Variants in DMXL1 observed in about 807,000 individuals in gnomAD.
DMXL1 encodes the protein dmX-like protein 1.
DMXL1 carries 99 observed loss-of-function variants against 319.2 expected under a neutral mutation model. The ratio of observed to expected loss-of-function variants is 0.31; its 90% CI spans 0.26 to 0.37. The LOEUF is 0.37. Ranked by LOEUF, DMXL1 falls within the 10% of genes least tolerant of loss-of-function variation. The pLI is 1.00. For missense variants in DMXL1, 3,745 were observed against 3,595.6 expected (o/e 1.04, Z -1.06); for synonymous variants, 1,385 against 1,235.2 (o/e 1.12, Z -2.54).
At chr5:119,159,694 G>A (rs942564261) in intron 19 of DMXL1, among the ~76,000 whole-genome samples, 1 of 152,226 alleles carries the variant, frequency 6.6e-6, no homozygotes, top group African/African-American at 2.4e-5. Context: ...GCGCCTCGCA[G>A]CTCACTGCGA....
chr5:119,122,757 A>G (rs1031039136), intron 9 of DMXL1, among the ~76,000 whole-genome samples: 10 of 150,562 alleles, frequency 6.6e-5, no homozygotes, highest in Non-Finnish European at 8.9e-5. Flanking sequence ...GTGGCCGGGA[A>G]GAGGCGCTCC....
chr5:119,140,114 C>G (rs1440476149), intron 13 of DMXL1, among the ~76,000 whole-genome samples: 2 of 152,096 alleles, frequency 1.3e-5, no homozygotes, highest in East Asian at 3.8e-4. Context: ...TGGGACACAA[C>G]TAAGGCAGTG....
chr5:119,202,527 C>A (rs1367583561), intron 32 of DMXL1, among the ~76,000 whole-genome samples: 1 of 152,058 alleles, frequency 6.6e-6, no homozygotes, highest in South Asian at 2.1e-4. Context: ...CCACATATAA[C>A]TATTTAACAC....
intron 30 of DMXL1, 129 bp from the exon 31 acceptor site, chr5:119,196,242 T>A: frequency 1.4e-6 from 1 of 697,842 alleles, no homozygotes; most frequent in Non-Finnish European, 2.6e-6. Flanking sequence ...ATGCATATAT[T>A]ATTTTGTTTT....
At chr5:119,111,008 T>G (rs532129265) in intron 5 of DMXL1, among the ~76,000 whole-genome samples, 1 of 152,236 alleles carries the variant, frequency 6.6e-6, no homozygotes, top group South Asian at 2.1e-4. Context: ...AGGCTGGTCT[T>G]GAACTCCTGA....
chr5:119,210,504 A>T (rs574654175), intron 34 of DMXL1, among the ~76,000 whole-genome samples: 1 of 152,280 alleles, frequency 6.6e-6, no homozygotes, highest in South Asian at 2.1e-4. Flanking sequence ...TTGCATCTGT[A>T]TGTCAATTGT....
intron 28 of DMXL1, among the ~76,000 whole-genome samples, chr5:119,178,943 G>A: frequency 6.6e-6 from 1 of 152,098 alleles, no homozygotes; most frequent in East Asian, 1.9e-4. Flanking sequence ...TTTAAAGTGT[G>A]TAAAAATAAA....
chr5:119,229,129 A>G (rs1323588334), intron 38 of DMXL1, among the ~76,000 whole-genome samples: 5 of 151,260 alleles, frequency 3.3e-5, no homozygotes, highest in Admixed American at 1.3e-4. Context: ...TGCCTGGGCA[A>G]TATAGGGAGA....
At chr5:119,175,140 A>T in intron 25 of DMXL1, 121 bp from the exon 26 acceptor site, 1 of 600,746 alleles carries the variant, frequency 1.7e-6, no homozygotes. Flanking sequence ...GAAATAGTTC[A>T]TGAAGGCAAA....
At chr5:119,223,511 A>C (rs1785006234) in intron 37 of DMXL1, among the ~76,000 whole-genome samples, 2 of 152,288 alleles carry the variant, frequency 1.3e-5, no homozygotes, top group South Asian at 4.1e-4. Flanking sequence ...TGTAATACAG[A>C]AATCTACCAT....
intron 9 of DMXL1, among the ~76,000 whole-genome samples, chr5:119,122,351 C>T (rs1192500630): frequency 8.7e-5 from 13 of 149,352 alleles, no homozygotes; most frequent in South Asian, 2.1e-4. Context: ...GGCGGCTGGC[C>T]GGGCAGAGGG....
chr5:119,186,341 G>T (rs771962951), intron 28 of DMXL1, among the ~76,000 whole-genome samples: 2 of 152,010 alleles, frequency 1.3e-5, no homozygotes, highest in Non-Finnish European at 2.9e-5. Context: ...TGTGATCTCA[G>T]CTCACTGCAA....
intron 4 of DMXL1, among the ~76,000 whole-genome samples, chr5:119,108,563 A>G (rs190044320): frequency 1.3e-5 from 2 of 152,088 alleles, no homozygotes; most frequent in Admixed American, 1.3e-4. Flanking sequence ...GTCTGGTACT[A>G]CAAGTGCGTG....
At chr5:119,238,528 C>A (rs975980186) in intron 40 of DMXL1, among the ~76,000 whole-genome samples, 38 of 152,002 alleles carry the variant, frequency 2.5e-4, no homozygotes, top group African/African-American at 8.9e-4. Context: ...AAATATATGT[C>A]AATTATTTAA....
chr5:119,104,740 G>A (rs1175506711), intron 3 of DMXL1, among the ~76,000 whole-genome samples: 1 of 152,118 alleles, frequency 6.6e-6, no homozygotes, highest in South Asian at 2.1e-4. Flanking sequence ...AAGTTGTAAG[G>A]CCATAAATTA....
chr5:119,196,763 C>T (rs1216971950), intron 31 of DMXL1, among the ~76,000 whole-genome samples: 1 of 151,932 alleles, frequency 6.6e-6, no homozygotes, highest in Non-Finnish European at 1.5e-5. Context: ...TAAGCAAATG[C>T]AAAAGCTAGC....
intron 13 of DMXL1, chr5:119,138,993 A>C (rs993259752): frequency 1.3e-5 from 2 of 152,244 alleles, no homozygotes; most frequent in Non-Finnish European, 2.9e-5. Flanking sequence ...CCTATATTCA[A>C]CATCCTTAAA....
At chr5:119,243,617 G>C (rs1361181983) in intron 42 of DMXL1, among the ~76,000 whole-genome samples, 1 of 151,880 alleles carries the variant, frequency 6.6e-6, no homozygotes, top group African/African-American at 2.4e-5. Flanking sequence ...ATTTTACAAG[G>C]CTTAATCTGC....
chr5:119,244,121 C>CT (rs557684872), intron 42 of DMXL1, among the ~76,000 whole-genome samples: 68 of 152,270 alleles, frequency 4.5e-4, no homozygotes, highest in African/African-American at 1.4e-3. Context: ...TCAGGAAACT[C>CT]TAAGTAGTAA....
Sources: allele counts gnomAD v4.1 joint callset (sites outside exome capture counted in the v4.1 genomes callset), GRCh38; gene constraint gnomAD v4.1.1; transcripts MANE v1.5; gene names NCBI Gene and HGNC (gene_info 2026-07-23, HGNC 2026-07-21).